Variants in FAF1 observed in about 807,000 individuals in gnomAD.
FAF1 encodes the protein Fas associated factor 1.
A neutral mutation model predicts 92.5 loss-of-function variants in FAF1; 25 were observed. The observed-to-expected ratio is 0.27, with a 90% CI of 0.20 to 0.38. The LOEUF is 0.38. Among genes scored for constraint, FAF1 ranks in the 10% least tolerant of loss-of-function variants. The pLI is 1.00. For missense variants in FAF1, 636 were observed against 793.3 expected, an observed-to-expected ratio of 0.80 and a Z score of 2.38; for synonymous variants, 234 against 273.2, an observed-to-expected ratio of 0.86 and a Z score of 1.42.
At chr1:50,467,548 C>A (rs1302824330) in intron 18 of FAF1, among the ~76,000 whole-genome samples, 1 of 152,074 alleles carries the variant, frequency 6.6e-6, no homozygotes, top group East Asian at 1.9e-4. Flanking sequence ...CTCCTGACCT[C>A]GTGATCTGCC....
intron 8 of FAF1, among the ~76,000 whole-genome samples, chr1:50,621,461 G>A (rs1349164745): frequency 2.3e-4 from 33 of 144,608 alleles, no homozygotes; most frequent in South Asian, 8.8e-4. Context: ...GTGTAGTGGC[G>A]GGATCTCAGC....
chr1:50,744,727 T>C lies in FAF1; in HGVS notation c.416A>G (p.Lys139Arg). Reference sequence around the variant, plus strand: ...CGTCTTCCAGCCTTTTAACAGCATTTTGGACACAGGTATCTGAAGTTCATT... The same window carrying C: ...CGTCTTCCAGCCTTTTAACAGCATTCTGGACACAGGTATCTGAAGTTCATT... ...LENELQIPVSKMLLKGWKTGD... is the reference protein window; with the variant it reads ...LENELQIPVSRMLLKGWKTGD... The change falls in exon 5 of 19, where the codon AAA becomes AGA. Residue 139 changes from lysine (K) to arginine (R), a missense_variant. Around this residue, in one of 2 missense-constraint regions of FAF1, gnomAD observed 317 missense variants for 342.4 expected, o/e 0.93. Coordinates refer to ENST00000396153, the MANE Select transcript of FAF1 (RefSeq NM_007051.3). 1 of 1,611,692 alleles carries C rather than the reference T, an allele frequency of 6.2e-7. No individual in the cohort carries two copies.
intron 15 of FAF1, among the ~76,000 whole-genome samples, chr1:50,534,806 T>A (rs995736842): frequency 6.6e-5 from 10 of 152,188 alleles, no homozygotes; most frequent in African/African-American, 2.4e-4. Context: ...CGATAATGTT[T>A]TTATTATTAT....
chr1:50,682,622 C>T (rs1415561554), intron 7 of FAF1, among the ~76,000 whole-genome samples: 2 of 152,150 alleles, frequency 1.3e-5, no homozygotes. Flanking sequence ...GCCTACTTAC[C>T]TCCTTGGTTA....
chr1:50,485,326 T>C (rs1261465741), intron 17 of FAF1, among the ~76,000 whole-genome samples: 3 of 151,680 alleles, frequency 2.0e-5, no homozygotes, highest in Non-Finnish European at 4.4e-5. Context: ...AATAATAATA[T>C]CATCCTTACC....
chr1:50,843,837 T>A (rs1273314669), intron 2 of FAF1, among the ~76,000 whole-genome samples: 1 of 152,144 alleles, frequency 6.6e-6, no homozygotes, highest in African/African-American at 2.4e-5. Flanking sequence ...AGTACTGCAA[T>A]AAGCATAGGG....
intron 8 of FAF1, among the ~76,000 whole-genome samples, chr1:50,598,837 G>T (rs1651955813): frequency 6.6e-6 from 1 of 152,074 alleles, no homozygotes; most frequent in Non-Finnish European, 1.5e-5. Context: ...GGGCATGGTG[G>T]TTCATGCTTG....
intron 3 of FAF1, among the ~76,000 whole-genome samples, chr1:50,797,519 T>C (rs967191162): frequency 2.6e-5 from 4 of 152,016 alleles, no homozygotes; most frequent in South Asian, 2.1e-4. Context: ...GGCAACATCA[T>C]GAGACCCCAT....
At chr1:50,947,395 C>T (rs1332491552) in intron 1 of FAF1, among the ~76,000 whole-genome samples, 2 of 152,234 alleles carry the variant, frequency 1.3e-5, no homozygotes, top group African/African-American at 4.8e-5. Flanking sequence ...CACAACCTGA[C>T]ATCTCATTCT....
intron 4 of FAF1, among the ~76,000 whole-genome samples, chr1:50,764,275 G>A (rs1467339911): frequency 2.0e-5 from 3 of 152,000 alleles, no homozygotes; most frequent in East Asian, 1.9e-4. Flanking sequence ...CCCTGTGTGC[G>A]ACAAAGTCTT....
chr1:50,640,089 TTTAACATG>T (rs1557450064), intron 8 of FAF1, among the ~76,000 whole-genome samples: 1 of 152,152 alleles, frequency 6.6e-6, no homozygotes, highest in Non-Finnish European at 1.5e-5. Flanking sequence ...TGTTAAAATT[TTTAACATG>T]TATTTCATAA....
chr1:50,734,887 T>TA (rs1557500341), intron 6 of FAF1, among the ~76,000 whole-genome samples: 1 of 152,124 alleles, frequency 6.6e-6, no homozygotes, highest in Non-Finnish European at 1.5e-5. Flanking sequence ...TATACATATT[T>TA]AGAAATTGAA....
intron 8 of FAF1, among the ~76,000 whole-genome samples, chr1:50,641,464 T>C (rs1420036233): frequency 6.6e-6 from 1 of 152,206 alleles, no homozygotes; most frequent in Non-Finnish European, 1.5e-5. Context: ...AAATAGTATG[T>C]TTTTTATTTC....
chr1:50,912,621 T>C (rs1052368700), intron 1 of FAF1, among the ~76,000 whole-genome samples: 1 of 152,198 alleles, frequency 6.6e-6, no homozygotes, highest in African/African-American at 2.4e-5. Flanking sequence ...GAATTGGCAG[T>C]GTGTACTCAG....
chr1:50,537,032 A>G (rs777064953), intron 14 of FAF1, among the ~76,000 whole-genome samples: 7 of 152,102 alleles, frequency 4.6e-5, no homozygotes, highest in Non-Finnish European at 1.0e-4. Context: ...GTCTCAAGTG[A>G]TCCTCCCACC....
At chr1:50,897,926 A>G (rs1644769250) in intron 1 of FAF1, among the ~76,000 whole-genome samples, 1 of 152,184 alleles carries the variant, frequency 6.6e-6, no homozygotes, top group Non-Finnish European at 1.5e-5. Flanking sequence ...ATCTCATCAG[A>G]GGATATCAGG....
chr1:50,579,085 G>C (rs182236565), intron 12 of FAF1, among the ~76,000 whole-genome samples: 98 of 152,082 alleles, frequency 6.4e-4, no homozygotes, highest in Admixed American at 1.0e-3. Flanking sequence ...AAAACACCTA[G>C]ACACTAAGAA....
intron 2 of FAF1, among the ~76,000 whole-genome samples, chr1:50,827,817 C>T (rs985201769): frequency 1.3e-5 from 2 of 151,888 alleles, no homozygotes; most frequent in African/African-American, 2.4e-5. Flanking sequence ...TACATAATTA[C>T]GACAGAGAGC....
intron 2 of FAF1, among the ~76,000 whole-genome samples, chr1:50,857,045 AG>A (rs1403126488): frequency 6.6e-6 from 1 of 151,826 alleles, no homozygotes; most frequent in African/African-American, 2.4e-5. Context: ...ATGGGATTAA[AG>A]GTAATTAATA....
Sources: gnomAD v4.1 joint callset for allele counts (sites outside exome capture counted in the v4.1 genomes callset) on GRCh38, gnomAD v4.1.1 for gene constraint, gnomAD v4.1.1 regional missense constraint, MANE v1.5 for transcripts, NCBI Gene and HGNC (gene_info 2026-07-23, HGNC 2026-07-21) for gene names.